The following SLC35F4 variants were observed in gnomAD, a reference collection of about 807,000 sequenced individuals.
The protein encoded by SLC35F4 is solute carrier family 35 member F4.
Under a neutral mutation model 44.2 loss-of-function variants are expected in SLC35F4, and 24 were observed. That is an observed-to-expected ratio of 0.54 (90% CI 0.39 to 0.76). The LOEUF (loss-of-function observed/expected upper bound fraction) is 0.76, where lower values mean the gene tolerates loss of function less well. SLC35F4 is among the 30% of genes least tolerant of loss of function. SLC35F4 has a pLI of 0.00. For missense variants in SLC35F4, 562 were observed against 586.1 expected, an observed-to-expected ratio of 0.96 and a Z score of 0.42; for synonymous variants, 238 against 223.6, an observed-to-expected ratio of 1.06 and a Z score of -0.57.
In SLC35F4 at chr14:57,632,857, T is replaced by G. The variant is rs79727682; in HGVS notation, c.104-38733A>C. On this transcript the variant is annotated intron_variant, in intron 1 of 7. Coordinates refer to ENST00000556826, the MANE Select transcript of SLC35F4 (RefSeq NM_001306087.2). ...ATCATACAGAGTACTTTCACTTCCC[T>G]AAAAATCCTCTGTGCTTTGCCTCCC... Among the ~76,000 whole-genome samples the G allele has an allele frequency of 8.3e-3, 1,269 of 152,166 alleles. 4 individuals are homozygous for G. Among genetic ancestry groups the G allele is most frequent in the Middle Eastern group, 0.014 (4 of 294 alleles).
intron 1 of SLC35F4, among the ~76,000 whole-genome samples, chr14:57,913,838 C>A (rs570361968): frequency 6.6e-6 from 1 of 152,312 alleles, no homozygotes; most frequent in African/African-American, 2.4e-5. Flanking sequence ...TGAAGAACTT[C>A]TTTTAACATT....
chr14:57,815,442 A>G (rs1378918636), intron 1 of SLC35F4, among the ~76,000 whole-genome samples: 1 of 152,196 alleles, frequency 6.6e-6, no homozygotes, highest in African/African-American at 2.4e-5. Flanking sequence ...ACAGAAAATC[A>G]TATTTGTGGT....
At chr14:57,649,288 T>C (rs1005633105) in intron 1 of SLC35F4, among the ~76,000 whole-genome samples, 40 of 152,198 alleles carry the variant, frequency 2.6e-4, no homozygotes, top group Non-Finnish European at 5.6e-4. Context: ...ATTGCAGTTT[T>C]GGTGGTAGAA....
chr14:57,617,771 G>A (rs1199973550), intron 1 of SLC35F4, among the ~76,000 whole-genome samples: 1 of 152,180 alleles, frequency 6.6e-6, no homozygotes, highest in East Asian at 1.9e-4. Context: ...CTAGGGAAGT[G>A]ATATCTAAGC....
chr14:57,829,916 G>A (rs1439842251), intron 1 of SLC35F4, among the ~76,000 whole-genome samples: 4 of 152,162 alleles, frequency 2.6e-5, no homozygotes, highest in Admixed American at 6.5e-5. Context: ...TTTTTTAACA[G>A]GAGAGTGACT....
intron 1 of SLC35F4, among the ~76,000 whole-genome samples, chr14:57,787,679 A>G (rs1384447823): frequency 2.0e-5 from 3 of 152,224 alleles, no homozygotes; most frequent in African/African-American, 7.2e-5. Context: ...TATGAAGGAA[A>G]GATAGTCTTT....
intron 1 of SLC35F4, among the ~76,000 whole-genome samples, chr14:57,623,767 A>G (rs981472569): frequency 2.6e-5 from 4 of 152,152 alleles, no homozygotes; most frequent in African/African-American, 9.6e-5. Context: ...AACAAGTTAC[A>G]ATGTACCAGA....
chr14:57,822,547 T>A (rs999594111), intron 1 of SLC35F4, among the ~76,000 whole-genome samples: 1 of 152,158 alleles, frequency 6.6e-6, no homozygotes, highest in South Asian at 2.1e-4. Flanking sequence ...TCTCCTTTTT[T>A]TTCATGGCCT....
intron 1 of SLC35F4, among the ~76,000 whole-genome samples, chr14:57,800,057 G>A (rs1005665430): frequency 2.6e-5 from 4 of 152,162 alleles, no homozygotes; most frequent in Non-Finnish European, 1.5e-5. Context: ...CCTCCTGACT[G>A]GGGAGGCCTC....
chr14:57,755,166 C>T (rs971149154), intron 1 of SLC35F4, among the ~76,000 whole-genome samples: 3 of 152,188 alleles, frequency 2.0e-5, no homozygotes, highest in African/African-American at 7.2e-5. Flanking sequence ...AATTTAGTGG[C>T]CCTCCAATCC....
upstream of SLC35F4, among the ~76,000 whole-genome samples, chr14:57,867,904 C>T (rs1299539592): frequency 6.6e-6 from 1 of 152,134 alleles, no homozygotes; most frequent in East Asian, 1.9e-4. Context: ...TATACACATA[C>T]ATACACACAC....
chr14:57,925,497 G>A (rs1179051173), intron 1 of SLC35F4, among the ~76,000 whole-genome samples: 10 of 5,942 alleles, frequency 1.7e-3, no homozygotes, highest in Non-Finnish European at 5.8e-3. Context: ...AAGGAAGGAA[G>A]GGAGGGAGGG....
At chr14:57,700,922 C>A (rs2075522308) in intron 1 of SLC35F4, among the ~76,000 whole-genome samples, 1 of 152,062 alleles carries the variant, frequency 6.6e-6, no homozygotes, top group East Asian at 1.9e-4. Context: ...ACAAAAAAGC[C>A]CCCCAAAAAC....
At chr14:57,619,997 GAATGAAAAGA>G (rs2072084193) in intron 1 of SLC35F4, among the ~76,000 whole-genome samples, 1 of 151,968 alleles carries the variant, frequency 6.6e-6, no homozygotes, top group Admixed American at 6.6e-5. Context: ...AGTGAAAAAA[GAATGAAAAGA>G]AATGAAAAAA....
At chr14:57,678,737 T>A (rs534142575) in intron 1 of SLC35F4, among the ~76,000 whole-genome samples, 2 of 150,304 alleles carry the variant, frequency 1.3e-5, no homozygotes, top group Non-Finnish European at 3.0e-5. Flanking sequence ...TAGTCTCTGA[T>A]AAAACAGACT....
chr14:57,701,616 C>A (rs1414983975), intron 1 of SLC35F4, among the ~76,000 whole-genome samples: 1 of 152,168 alleles, frequency 6.6e-6, no homozygotes. Flanking sequence ...AGGAATTTTT[C>A]AGCTCCACTA....
intron 1 of SLC35F4, among the ~76,000 whole-genome samples, chr14:57,616,427 T>G (rs536501509): frequency 1.3e-5 from 2 of 152,216 alleles, no homozygotes; most frequent in South Asian, 4.1e-4. Context: ...ACAATCAAAG[T>G]TGTGAATGTT....
intron 1 of SLC35F4, among the ~76,000 whole-genome samples, chr14:57,617,247 C>T (rs2071892135): frequency 6.7e-6 from 1 of 150,324 alleles, no homozygotes. Context: ...TCTCCTGCCT[C>T]AGCCTCCCGA....
intron 1 of SLC35F4, among the ~76,000 whole-genome samples, chr14:57,883,204 G>A (rs1431496580): frequency 6.6e-6 from 1 of 152,182 alleles, no homozygotes; most frequent in Non-Finnish European, 1.5e-5. Context: ...ACAGATGTGT[G>A]AGAAATAAAT....
Sources: gnomAD v4.1 joint callset for allele counts (sites outside exome capture counted in the v4.1 genomes callset) on GRCh38, gnomAD v4.1.1 for gene constraint, MANE v1.5 for transcripts, NCBI Gene and HGNC (gene_info 2026-07-23, HGNC 2026-07-21) for gene names.